The following ZHX2 variants were observed in gnomAD, a reference collection of about 807,000 sequenced individuals.
ZHX2 encodes the protein zinc fingers and homeoboxes 2.
Under a neutral mutation model 21.9 loss-of-function variants are expected in ZHX2, and 6 were observed. That is an observed-to-expected ratio of 0.27 (90% CI 0.15 to 0.54). ZHX2 has a LOEUF of 0.54. ZHX2 is among the 20% of genes least tolerant of loss of function. ZHX2 has a pLI of 0.95. For synonymous variants in ZHX2, 434 were observed against 437.1 expected (o/e 0.99, Z 0.09); for missense variants, 908 against 1,090.7 (o/e 0.83, Z 2.36).
chr8:122,878,986 C>T (rs533131877), intron 2 of ZHX2, among the ~76,000 whole-genome samples: 8 of 152,240 alleles, frequency 5.3e-5, no homozygotes, highest in Admixed American at 2.0e-4. Flanking sequence ...TAGAACCCAT[C>T]ATTAGAGGAA....
rs1352191399 is a variant in ZHX2 at position 122,953,662 on chromosome 8, G to A, written c.2152G>A (p.Glu718Lys). The stretch of plus-strand genomic sequence containing the variant: ...AAGGAAAGCAACAAAACCCATGGCC[G>A]AGAGCCCAAAGAACGGGGGTGATGT... ...VARKATKPMA[E>K]SPKNGGDVVP... Residue 718 changes from glutamate to lysine, a missense_variant, in exon 3 of 4, where the codon GAG becomes AAG. Physicochemically the swap from Glu to Lys is moderately conservative, Grantham distance 56. Transcript: ENST00000314393. The surrounding 1 kb of genome is among the most constrained non-coding windows in gnomAD (Gnocchi z 4.6). The A allele has an allele frequency of 2.3e-5, 37 of 1,614,114 alleles. No homozygotes were observed. Among genetic ancestry groups the A allele is most frequent in the Middle Eastern group, 1.6e-4 (1 of 6,084 alleles).
At chr8:122,796,214 TAGACA>T (rs1482509775) in intron 1 of ZHX2, among the ~76,000 whole-genome samples, 1 of 151,964 alleles carries the variant, frequency 6.6e-6, no homozygotes, top group African/African-American at 2.4e-5. Flanking sequence ...GTAGGATATG[TAGACA>T]CTGGCCCTGT....
intron 2 of ZHX2, among the ~76,000 whole-genome samples, chr8:122,878,069 G>T (rs554824295): frequency 8.8e-6 from 1 of 113,292 alleles, no homozygotes; most frequent in East Asian, 2.6e-4. Flanking sequence ...GTCGGTAAAA[G>T]TTCTGTGTGT....
intron 2 of ZHX2, among the ~76,000 whole-genome samples, chr8:122,937,288 C>A (rs1423390675): frequency 2.6e-5 from 4 of 152,250 alleles, no homozygotes; most frequent in Non-Finnish European, 4.4e-5. Context: ...AGTGGAAGAA[C>A]CAGTGCTATC....
chr8:122,794,502 G>A (rs1009987508), intron 1 of ZHX2, among the ~76,000 whole-genome samples: 3 of 152,102 alleles, frequency 2.0e-5, no homozygotes, highest in Admixed American at 6.5e-5. Context: ...AGAGTGAAGG[G>A]GTCAAGGGTA....
In ZHX2 at chr8:122,803,008, C is replaced by T. The variant is rs375284382; in HGVS notation, c.-283+21062C>T. Reference sequence around the variant, plus strand: ...TCTAGGGGACCAGCGGGCGGCAGCACGAGATGTCTTTGGAAATAAGGAAGA... The same window carrying T: ...TCTAGGGGACCAGCGGGCGGCAGCATGAGATGTCTTTGGAAATAAGGAAGA... On this transcript the variant is annotated intron_variant, in intron 1 of 3. Transcript: ENST00000314393. Among the ~76,000 whole-genome samples, 23 of 150,538 alleles carry T rather than the reference C, an allele frequency of 1.5e-4. 1 individual carries two copies. Among genetic ancestry groups the T allele is most frequent in the African/African-American group, 5.1e-4 (21 of 40,876 alleles).
chr8:122,898,291 G>A (rs1820145568), intron 2 of ZHX2, among the ~76,000 whole-genome samples: 1 of 152,204 alleles, frequency 6.6e-6, no homozygotes, highest in Non-Finnish European at 1.5e-5. Flanking sequence ...TGAGGAAAGA[G>A]TAGAAAAGCC....
chr8:122,908,121 C>G (rs562861858), intron 2 of ZHX2, among the ~76,000 whole-genome samples: 1 of 152,178 alleles, frequency 6.6e-6, no homozygotes, highest in East Asian at 1.9e-4. Flanking sequence ...CCGCCCAACC[C>G]AAAATCTCAC....
chr8:122,960,569 A>G (rs1813416782), intron 3 of ZHX2, among the ~76,000 whole-genome samples: 1 of 152,110 alleles, frequency 6.6e-6, no homozygotes, highest in Admixed American at 6.5e-5. Context: ...AATAAGAAGA[A>G]GAAGTAATGG....
At position 122,782,491 on chromosome 8, in the gene ZHX2, G is replaced by C. The variant is rs1426852957; in HGVS notation, c.-283+545G>C. Among the ~76,000 whole-genome samples the C allele has an allele frequency of 6.6e-6, 1 of 152,144 alleles. No homozygotes were observed. The highest frequency in any genetic ancestry group is 1.5e-5 in the Non-Finnish European group (1 of 68,018). ...CGCGTTTTGGCAGGCGGGGGGCTGC[G>C]TGTGTCTGCTCCCCTCCCTCCCCCT... On this transcript the variant is annotated intron_variant, in intron 1 of 3. Coordinates refer to ENST00000314393, the MANE Select transcript of ZHX2 (RefSeq NM_014943.5). The surrounding 1 kb of genome is among the most constrained non-coding windows in gnomAD (Gnocchi z 5.3).
chr8:122,838,830 C>G (rs1818562537), intron 1 of ZHX2, among the ~76,000 whole-genome samples: 1 of 152,130 alleles, frequency 6.6e-6, no homozygotes, highest in Non-Finnish European at 1.5e-5. Flanking sequence ...CCGCCTTGCC[C>G]TCCCAGAGTG....
chr8:122,955,192 T>C (rs757118855), intron 3 of ZHX2, among the ~76,000 whole-genome samples: 3 of 142,360 alleles, frequency 2.1e-5, no homozygotes, highest in Non-Finnish European at 4.5e-5. Flanking sequence ...AATCGAGGCC[T>C]GAAGCACAGC....
chr8:122,814,309 A>G (rs189870513), intron 1 of ZHX2, among the ~76,000 whole-genome samples: 3 of 152,328 alleles, frequency 2.0e-5, no homozygotes, highest in African/African-American at 7.2e-5. Context: ...CATCTGTTTC[A>G]CTGTTGGATT....
intron 1 of ZHX2, among the ~76,000 whole-genome samples, chr8:122,802,035 G>A (rs555431630): frequency 4.1e-4 from 62 of 152,236 alleles, no homozygotes; most frequent in African/African-American, 1.4e-3. Context: ...TCCCCACTTA[G>A]AAAGTGGAGG....
chr8:122,944,794 A>G (rs927211759), intron 2 of ZHX2, among the ~76,000 whole-genome samples: 4 of 152,168 alleles, frequency 2.6e-5, no homozygotes, highest in African/African-American at 7.2e-5. Context: ...AGGATGCATT[A>G]TGCTCCCCTA....
intron 2 of ZHX2, among the ~76,000 whole-genome samples, chr8:122,885,980 G>A (rs753027126): frequency 3.9e-5 from 6 of 152,020 alleles, no homozygotes; most frequent in Non-Finnish European, 5.9e-5. Context: ...TATGGGTCAG[G>A]GTGTTTGAAA....
At chr8:122,934,753 A>G (rs907870416) in intron 2 of ZHX2, among the ~76,000 whole-genome samples, 3 of 151,628 alleles carry the variant, frequency 2.0e-5, no homozygotes, top group Non-Finnish European at 4.4e-5. Flanking sequence ...CAATGGCACA[A>G]TCTTAGCTCA....
At chr8:122,868,031 C>A (rs1193607151) in intron 2 of ZHX2, among the ~76,000 whole-genome samples, 1 of 152,152 alleles carries the variant, frequency 6.6e-6, no homozygotes, top group African/African-American at 2.4e-5. Context: ...GGTGGAATAG[C>A]TCCAAGGGTC....
chr8:122,939,008 G>A (rs1812774700), intron 2 of ZHX2, among the ~76,000 whole-genome samples: 1 of 152,188 alleles, frequency 6.6e-6, no homozygotes, highest in Non-Finnish European at 1.5e-5. Context: ...GAGGGGTGAA[G>A]CATGCAGTAA....
Sources: allele counts gnomAD v4.1 joint callset (sites outside exome capture counted in the v4.1 genomes callset), GRCh38; gene constraint gnomAD v4.1.1; non-coding constraint Gnocchi (gnomAD v3.1); transcripts MANE v1.5; gene names NCBI Gene and HGNC (gene_info 2026-07-23, HGNC 2026-07-21).